SHANK2: variants seen among roughly 807,000 people sequenced by gnomAD.
SHANK2 encodes the protein SH3 and multiple ankyrin repeat domains protein 2.
Under a neutral mutation model 133.7 loss-of-function variants are expected in SHANK2, and 43 were observed. The ratio of observed to expected loss-of-function variants is 0.32; its 90% CI spans 0.25 to 0.41. SHANK2 has a LOEUF of 0.41. SHANK2 is among the 10% of genes least tolerant of loss of function. SHANK2 has a pLI of 1.00. For missense variants in SHANK2, 1,994 were observed against 2,235.8 expected, an observed-to-expected ratio of 0.89 and a Z score of 2.18; for synonymous variants, 1,017 against 952.8, an observed-to-expected ratio of 1.07 and a Z score of -1.24.
At chr11:70,685,155 A>G (rs1211254049) in intron 15 of SHANK2, among the ~76,000 whole-genome samples, 1 of 152,036 alleles carries the variant, frequency 6.6e-6, no homozygotes, top group African/African-American at 2.4e-5. Context: ...GCTTGGCGAA[A>G]AAACCCCCAA....
intron 14 of SHANK2, among the ~76,000 whole-genome samples, chr11:70,731,743 GTTTTTAA>G (rs1555032259): frequency 6.6e-6 from 1 of 152,200 alleles, no homozygotes; most frequent in East Asian, 1.9e-4. Flanking sequence ...CTGGACACCT[GTTTTTAA>G]TTCTCTGGGG....
chr11:71,087,918 C>T lies in SHANK2; in HGVS notation c.912+4504G>A, dbSNP rs958944803. ...TGCTGGGATTACAGGCGTGAGCCAC[C>T]GCACCTGGCTGCATTTGACTATTTT... is the stretch of plus-strand genomic sequence containing the variant. On this transcript the variant is annotated intron_variant, in intron 8 of 25. Coordinates refer to ENST00000601538, the MANE Select transcript of SHANK2 (RefSeq NM_012309.5). 9.3e-4 allele frequency among the ~76,000 whole-genome samples: 141 copies of T among 152,246 alleles called. 1 individual carries two copies. Among genetic ancestry groups the T allele is most frequent in the African/African-American group, 2.9e-3 (122 of 41,530 alleles).
chr11:70,674,010 C>T (rs569876171), intron 15 of SHANK2, among the ~76,000 whole-genome samples: 1 of 152,302 alleles, frequency 6.6e-6, no homozygotes, highest in Non-Finnish European at 1.5e-5. Flanking sequence ...GAGTGGATTC[C>T]TCATGAATGG....
chr11:71,196,304 G>A (rs782487909), intron 2 of SHANK2, among the ~76,000 whole-genome samples: 25 of 151,730 alleles, frequency 1.6e-4, no homozygotes, highest in Non-Finnish European at 3.4e-4. Flanking sequence ...TCTTTTTCCC[G>A]AGACAGTGTC....
At chr11:70,490,709 G>C (rs544602348) in intron 22 of SHANK2, among the ~76,000 whole-genome samples, 2 of 152,268 alleles carry the variant, frequency 1.3e-5, no homozygotes, top group African/African-American at 2.4e-5. Flanking sequence ...TCTCTGAGAG[G>C]GGGGCCAGGC....
intron 17 of SHANK2, among the ~76,000 whole-genome samples, chr11:70,540,325 C>T (rs1462608028): frequency 6.6e-6 from 1 of 151,996 alleles, no homozygotes; most frequent in Non-Finnish European, 1.5e-5. Flanking sequence ...AGCGGGGCGC[C>T]CACGGGCAGG....
intron 12 of SHANK2, among the ~76,000 whole-genome samples, chr11:70,809,079 C>T (rs1555052648): frequency 1.3e-5 from 2 of 152,224 alleles, no homozygotes; most frequent in African/African-American, 4.8e-5. Flanking sequence ...TGAGATGCAC[C>T]TACACAGTGC....
intron 12 of SHANK2, among the ~76,000 whole-genome samples, chr11:70,819,756 C>T (rs143796358): frequency 6.6e-5 from 10 of 152,220 alleles, no homozygotes; most frequent in African/African-American, 2.2e-4. Context: ...CCTCTGTGCT[C>T]CTGCCATGCT....
At chr11:71,071,793 GC>G (rs1376031675) in intron 9 of SHANK2, among the ~76,000 whole-genome samples, 1 of 152,146 alleles carries the variant, frequency 6.6e-6, no homozygotes, top group Non-Finnish European at 1.5e-5. Context: ...AAAGGATGAG[GC>G]TTGAGATTCC....
At chr11:70,515,331 G>T (rs189243111) in intron 17 of SHANK2, among the ~76,000 whole-genome samples, 3 of 152,130 alleles carry the variant, frequency 2.0e-5, no homozygotes, top group Admixed American at 1.3e-4. Context: ...GAACCACTGC[G>T]CCTGGCCATT....
At chr11:70,928,837 C>T (rs1555082047) in intron 10 of SHANK2, among the ~76,000 whole-genome samples, 1 of 152,194 alleles carries the variant, frequency 6.6e-6, no homozygotes, top group African/African-American at 2.4e-5. Context: ...CACCAAAAGC[C>T]TACACCAGAG....
At chr11:70,753,190 AAAAC>A (rs1157476366) in intron 14 of SHANK2, among the ~76,000 whole-genome samples, 4 of 151,996 alleles carry the variant, frequency 2.6e-5, no homozygotes, top group African/African-American at 7.3e-5. Flanking sequence ...AAAAAAACAA[AAAAC>A]AAACAAAAAA....
intron 5 of SHANK2, among the ~76,000 whole-genome samples, chr11:71,111,246 G>A (rs1951887425): frequency 6.6e-6 from 1 of 152,188 alleles, no homozygotes; most frequent in South Asian, 2.1e-4. Flanking sequence ...CCAGTTTCCA[G>A]GACCCACCTC....
chr11:70,898,758 T>C (rs995895687), intron 10 of SHANK2, among the ~76,000 whole-genome samples: 1 of 152,208 alleles, frequency 6.6e-6, no homozygotes, highest in Non-Finnish European at 1.5e-5. Flanking sequence ...GCTTGAAGAT[T>C]TGGAAGATTC....
intron 6 of SHANK2, among the ~76,000 whole-genome samples, chr11:71,101,618 G>A (rs1029211926): frequency 7.9e-5 from 12 of 152,320 alleles, no homozygotes; most frequent in East Asian, 5.8e-4. Context: ...CCCGGGTGCC[G>A]TTAGTTCTGG....
intron 11 of SHANK2, among the ~76,000 whole-genome samples, chr11:70,867,773 C>T (rs556415384): frequency 6.6e-6 from 1 of 152,358 alleles, no homozygotes; most frequent in South Asian, 2.1e-4. Context: ...TTGCCTAGGA[C>T]TCTCTGTGAA....
Position 71,138,107 on chromosome 11 carries a change from AAC to A in SHANK2, c.207+9011_207+9012del, listed in dbSNP as rs1555105129. On this transcript the variant is annotated intron_variant, in intron 3 of 25. Coordinates refer to ENST00000601538, the MANE Select transcript of SHANK2 (RefSeq NM_012309.5). ...AGCAAAGCACCCGAACACAGCTTCT[AAC>A]AGTAACGAACCACACCCCTGCACCA... is the stretch of plus-strand genomic sequence containing the variant. Among the ~76,000 whole-genome samples the A allele has an allele frequency of 2.6e-3, 160 of 62,684 alleles. 1 individual carries two copies. Among genetic ancestry groups the A allele is most frequent in the Non-Finnish European group, 5.3e-3 (123 of 23,218 alleles). 41.1% of individuals were successfully genotyped at this position (62,684 alleles called of 152,430 possible). A position where few individuals can be genotyped will look rare whatever the true frequency, so the allele number is the denominator to read the frequency against.
At chr11:70,853,942 C>T (rs999549295) in intron 11 of SHANK2, among the ~76,000 whole-genome samples, 6 of 152,170 alleles carry the variant, frequency 3.9e-5, no homozygotes, top group African/African-American at 7.2e-5. Flanking sequence ...ATTGGTCATA[C>T]TAATACAGCA....
At chr11:70,675,885 T>A (rs1555017113) in intron 15 of SHANK2, among the ~76,000 whole-genome samples, 1 of 152,120 alleles carries the variant, frequency 6.6e-6, no homozygotes, top group East Asian at 1.9e-4. Context: ...TGGATAAACG[T>A]TTACAGTTCA....
Sources: gnomAD v4.1 joint callset for allele counts (sites outside exome capture counted in the v4.1 genomes callset) on GRCh38, gnomAD v4.1.1 for gene constraint, MANE v1.5 for transcripts, NCBI Gene and HGNC (gene_info 2026-07-23, HGNC 2026-07-21) for gene names.